The following SYNPR variants were observed in gnomAD, a reference collection of about 807,000 sequenced individuals.
SYNPR encodes synaptoporin.
SYNPR carries 23 observed loss-of-function variants against 32.9 expected under a neutral mutation model. The observed-to-expected ratio is 0.70, with a 90% CI of 0.50 to 0.99. The LOEUF is 0.99. SYNPR is among the 50% of genes least tolerant of loss of function. SYNPR has a pLI of 0.00. For synonymous variants in SYNPR, 146 were observed against 135.9 expected, an observed-to-expected ratio of 1.07 and a Z score of -0.52; for missense variants, 318 against 349.3, an observed-to-expected ratio of 0.91 and a Z score of 0.71.
At chr3:63,274,036 C>T (rs930736723), upstream of SYNPR, among the ~76,000 whole-genome samples, 1 of 152,204 alleles carries the variant, frequency 6.6e-6, no homozygotes, top group African/African-American at 2.4e-5. Context: ...TTCATATTCA[C>T]TTACCTAAGG....
intron 3 of SYNPR, among the ~76,000 whole-genome samples, chr3:63,269,775 T>C (rs1418540866): frequency 6.6e-6 from 1 of 152,230 alleles, no homozygotes. Flanking sequence ...ATTCTACATT[T>C]ATTGGCCACC....
chr3:63,339,196 T>C (rs143557403), intron 2 of SYNPR, among the ~76,000 whole-genome samples: 1 of 152,320 alleles, frequency 6.6e-6, no homozygotes, highest in East Asian at 1.9e-4. Flanking sequence ...GTCATAGTTG[T>C]CTTTATTAAA....
intron 4 of SYNPR, among the ~76,000 whole-genome samples, chr3:63,596,653 C>A (rs1699964787): frequency 6.6e-6 from 1 of 152,044 alleles, no homozygotes; most frequent in Non-Finnish European, 1.5e-5. Context: ...TCATATAAAC[C>A]CAACTATGGG....
At chr3:63,553,699 C>T (rs888517974) in intron 3 of SYNPR, among the ~76,000 whole-genome samples, 3 of 151,948 alleles carry the variant, frequency 2.0e-5, no homozygotes, top group Admixed American at 1.3e-4. Context: ...ATTTTTTTGG[C>T]CACTTCTATG....
intron 2 of SYNPR, among the ~76,000 whole-genome samples, chr3:63,476,386 G>A (rs1454276853): frequency 1.5e-5 from 2 of 133,606 alleles, no homozygotes; most frequent in African/African-American, 5.6e-5. Context: ...AGGAGGGAGA[G>A]AAGAAGGAAG....
rs372786577 is a variant in SYNPR at position 63,511,184 on chromosome 3, A to C, written c.209+30228A>C. The stretch of plus-strand genomic sequence containing the variant: ...TCATGGGCCTAGAAAGGCCTGAATG[A>C]AAATCCTGATGCTCCTGCTCACGGG... On this transcript the variant is annotated intron_variant, in intron 3 of 5. Transcript: ENST00000478300. Among the ~76,000 whole-genome samples the C allele has an allele frequency of 3.3e-5, 5 of 152,078 alleles. No homozygotes were observed. In the East Asian group the frequency reaches 9.7e-4, roughly 29 times the overall value.
intron 2 of SYNPR, among the ~76,000 whole-genome samples, chr3:63,294,903 G>A (rs2086779028): frequency 2.6e-5 from 4 of 152,044 alleles, no homozygotes. Flanking sequence ...ACACATATAT[G>A]CAAATTTATA....
At chr3:63,280,228 G>A (rs189862197) in intron 2 of SYNPR, among the ~76,000 whole-genome samples, 6 of 152,228 alleles carry the variant, frequency 3.9e-5, no homozygotes, top group Admixed American at 3.9e-4. Context: ...ATGATTTTGT[G>A]CCATTGTTCC....
At chr3:63,495,595 G>A (rs975690848) in intron 3 of SYNPR, among the ~76,000 whole-genome samples, 2 of 152,044 alleles carry the variant, frequency 1.3e-5, no homozygotes, top group African/African-American at 4.8e-5. Context: ...GCACCAGGGG[G>A]TTCACTTTCC....
At chr3:63,572,451 G>C (rs1288552141) in intron 4 of SYNPR, among the ~76,000 whole-genome samples, 3 of 152,098 alleles carry the variant, frequency 2.0e-5, no homozygotes, top group Non-Finnish European at 4.4e-5. Flanking sequence ...ATTATGCTAG[G>C]TATAGTCGCC....
chr3:63,493,089 G>A (rs867152323), intron 3 of SYNPR, among the ~76,000 whole-genome samples: 6 of 151,966 alleles, frequency 3.9e-5, no homozygotes, highest in Non-Finnish European at 8.8e-5. Context: ...CATGCTTTGC[G>A]TCCCCTCAAG....
chr3:63,313,591 CAT>C (rs1249584679), intron 2 of SYNPR, among the ~76,000 whole-genome samples: 7 of 144,598 alleles, frequency 4.8e-5, no homozygotes, highest in South Asian at 4.4e-4. Context: ...TATGTGCGTA[CAT>C]ATATGTGTGT....
intron 2 of SYNPR, among the ~76,000 whole-genome samples, chr3:63,260,520 G>T (rs1376897756): frequency 2.6e-5 from 4 of 152,324 alleles, no homozygotes; most frequent in Middle Eastern, 3.4e-3. Context: ...TAGCCATTAT[G>T]TAGAAAGCTG....
intron 2 of SYNPR, among the ~76,000 whole-genome samples, chr3:63,371,001 T>C (rs1444181337): frequency 3.3e-5 from 5 of 151,732 alleles, no homozygotes; most frequent in Non-Finnish European, 4.4e-5. Context: ...CAGTGGTGAG[T>C]AAACCCTAGA....
chr3:63,400,734 A>T (rs1410661296), intron 2 of SYNPR, among the ~76,000 whole-genome samples: 1 of 152,226 alleles, frequency 6.6e-6, no homozygotes, highest in African/African-American at 2.4e-5. Context: ...GTGTCAAAGA[A>T]TTTGTGGACA....
At chr3:63,234,180 GA>G (rs1412240611) in intron 1 of SYNPR, among the ~76,000 whole-genome samples, 1 of 152,140 alleles carries the variant, frequency 6.6e-6, no homozygotes, top group Admixed American at 6.6e-5. Context: ...GTCTTACATG[GA>G]TGGCAGCAGA....
chr3:63,305,500 G>A (rs2086900626), intron 2 of SYNPR, among the ~76,000 whole-genome samples: 2 of 151,872 alleles, frequency 1.3e-5, no homozygotes, highest in African/African-American at 4.8e-5. Flanking sequence ...GTGCATATAA[G>A]AGATTTTTGT....
intron 2 of SYNPR, among the ~76,000 whole-genome samples, chr3:63,397,174 G>A (rs1484685585): frequency 6.6e-6 from 1 of 151,902 alleles, no homozygotes; most frequent in East Asian, 1.9e-4. Flanking sequence ...AATTCAAGAA[G>A]GCTGTAGGGA....
intron 3 of SYNPR, among the ~76,000 whole-genome samples, chr3:63,512,196 C>T (rs1319350655): frequency 6.6e-6 from 1 of 152,112 alleles, no homozygotes; most frequent in African/African-American, 2.4e-5. Flanking sequence ...ACACAGGTCC[C>T]AACAGGGTAG....
Sources: allele counts gnomAD v4.1 joint callset (sites outside exome capture counted in the v4.1 genomes callset), GRCh38; gene constraint gnomAD v4.1.1; transcripts MANE v1.5; gene names NCBI Gene and HGNC (gene_info 2026-07-23, HGNC 2026-07-21).